Variants in CSMD1 observed in about 807,000 individuals in gnomAD.
The protein encoded by CSMD1 is CUB and Sushi multiple domains 1, also known as CUB and sushi domain-containing protein 1.
CSMD1 carries 213 observed loss-of-function variants against 417.5 expected under a neutral mutation model. That is an observed-to-expected ratio of 0.51 (90% CI 0.46 to 0.57). The LOEUF is 0.57. CSMD1 is among the 20% of genes least tolerant of loss of function. CSMD1 has a pLI of 0.00. For synonymous variants in CSMD1, 2,862 were observed against 1,736.8 expected, an observed-to-expected ratio of 1.65 and a Z score of -16.11; for missense variants, 6,923 against 4,529.7, an observed-to-expected ratio of 1.53 and a Z score of -15.17.
At chr8:3,995,350 A>C (rs1177936106) in intron 5 of CSMD1, among the ~76,000 whole-genome samples, 1 of 151,820 alleles carries the variant, frequency 6.6e-6, no homozygotes, top group East Asian at 1.9e-4. Flanking sequence ...TTTGACTATT[A>C]TGATAAACAT....
chr8:4,651,998 A>T lies in CSMD1; in HGVS notation c.86-14440T>A, dbSNP rs1803926266. ...CCTAAGTATAATGAAAGGAGACTCA[A>T]TTAGAAAAATGTCTAAGTCTCAGCT... On this transcript the variant is annotated intron_variant, in intron 1 of 69. Coordinates refer to ENST00000635120, the MANE Select transcript of CSMD1 (RefSeq NM_033225.6). 2.6e-5 allele frequency among the ~76,000 whole-genome samples: 4 copies of T among 152,336 alleles called. No individual in the cohort carries two copies. In the South Asian group the frequency reaches 8.3e-4, roughly 32 times the overall value.
At chr8:3,996,082 A>G (rs1815191354) in intron 5 of CSMD1, among the ~76,000 whole-genome samples, 1 of 152,208 alleles carries the variant, frequency 6.6e-6, no homozygotes, top group Admixed American at 6.5e-5. Flanking sequence ...CACGCTTCTC[A>G]TCACACTCAT....
At chr8:3,850,685 ACT>A (rs1803843075) in intron 5 of CSMD1, among the ~76,000 whole-genome samples, 1 of 151,962 alleles carries the variant, frequency 6.6e-6, no homozygotes, top group African/African-American at 2.4e-5. Flanking sequence ...ACAGAGTGCG[ACT>A]CTGTCTCAAA....
intron 12 of CSMD1, among the ~76,000 whole-genome samples, chr8:3,421,898 A>G (rs572997275): frequency 6.8e-6 from 1 of 146,166 alleles, no homozygotes; most frequent in South Asian, 2.1e-4. Context: ...TTGGCCGCCC[A>G]AAGTGCTGGG....
At chr8:3,569,156 T>C (rs117523588) in intron 10 of CSMD1, among the ~76,000 whole-genome samples, 3 of 152,186 alleles carry the variant, frequency 2.0e-5, no homozygotes, top group Non-Finnish European at 4.4e-5. Flanking sequence ...ACTAAAGGAA[T>C]CTTCTTGAGA....
At chr8:2,995,833 T>C (rs750759991) in intron 54 of CSMD1, among the ~76,000 whole-genome samples, 23 of 152,204 alleles carry the variant, frequency 1.5e-4, no homozygotes, top group Admixed American at 3.3e-4. Context: ...TTCATTTATA[T>C]AACATTCTTG....
intron 26 of CSMD1, among the ~76,000 whole-genome samples, chr8:3,245,730 A>T (rs887440525): frequency 5.9e-5 from 9 of 152,116 alleles, no homozygotes; most frequent in Admixed American, 2.0e-4. Context: ...ACAGATGATC[A>T]CCCCAATTTC....
intron 5 of CSMD1, among the ~76,000 whole-genome samples, chr8:3,799,091 A>G (rs1800319331): frequency 6.6e-6 from 1 of 152,038 alleles, no homozygotes; most frequent in South Asian, 2.1e-4. Context: ...TCCAAATGCC[A>G]TTTTTTATTA....
At chr8:4,933,521 C>T (rs188818350) in intron 1 of CSMD1, among the ~76,000 whole-genome samples, 1 of 152,182 alleles carries the variant, frequency 6.6e-6, no homozygotes, top group African/African-American at 2.4e-5. Flanking sequence ...TCTGTGACTT[C>T]AAGACAGAGA....
At chr8:3,368,758 C>A (rs141204102) in intron 19 of CSMD1, among the ~76,000 whole-genome samples, 2 of 152,200 alleles carry the variant, frequency 1.3e-5, no homozygotes, top group Non-Finnish European at 2.9e-5. Flanking sequence ...CTGATCTTCA[C>A]TATGCTTACC....
chr8:3,955,676 G>C (rs1390979425), intron 5 of CSMD1, among the ~76,000 whole-genome samples: 2 of 152,126 alleles, frequency 1.3e-5, no homozygotes, highest in Admixed American at 1.3e-4. Flanking sequence ...GAGTGTCTCA[G>C]AGGATGAGGA....
intron 1 of CSMD1, among the ~76,000 whole-genome samples, chr8:4,949,590 C>A (rs1808599371): frequency 6.6e-6 from 1 of 152,150 alleles, no homozygotes; most frequent in African/African-American, 2.4e-5. Flanking sequence ...GCCAAAGTTC[C>A]TGAAATGCCC....
intron 5 of CSMD1, among the ~76,000 whole-genome samples, chr8:3,756,188 C>G (rs138442893): frequency 0.018 from 2,754 of 151,854 alleles, 103 homozygotes; most frequent in African/African-American, 0.064. Flanking sequence ...CCTGCCTCTA[C>G]TAAAAATACA....
intron 7 of CSMD1, among the ~76,000 whole-genome samples, chr8:3,672,464 A>C (rs1799126278): frequency 6.6e-6 from 1 of 152,196 alleles, no homozygotes; most frequent in African/African-American, 2.4e-5. Context: ...TCAAATGTTC[A>C]AAACACGTGT....
chr8:3,229,456 T>C (rs1047117520), intron 27 of CSMD1, among the ~76,000 whole-genome samples: 3 of 152,186 alleles, frequency 2.0e-5, no homozygotes, highest in Non-Finnish European at 4.4e-5. Flanking sequence ...TGATAAATTG[T>C]CTCAGGTGGC....
intron 18 of CSMD1, among the ~76,000 whole-genome samples, chr8:3,373,135 TA>T (rs1382667145): frequency 6.6e-6 from 1 of 152,236 alleles, no homozygotes; most frequent in Non-Finnish European, 1.5e-5. Context: ...TATAAACTGA[TA>T]AAATTAATTC....
chr8:4,307,789 T>G (rs925743066), intron 3 of CSMD1, among the ~76,000 whole-genome samples: 1 of 152,132 alleles, frequency 6.6e-6, no homozygotes, highest in Non-Finnish European at 1.5e-5. Flanking sequence ...AGAGTCAGTT[T>G]ACCTCTCTAC....
rs117743947 is a variant in CSMD1 at position 3,998,648 on chromosome 8, G to C, written c.611-538C>G. 1.9e-3 allele frequency among the ~76,000 whole-genome samples: 294 copies of C among 152,222 alleles called. 4 individuals carry two copies. The East Asian group carries it at 0.039, about 20-fold the overall frequency. On this transcript the variant is annotated intron_variant, in intron 4 of 69. Transcript: ENST00000635120. ...ACATCACCTCATAAAAAGGTTCTGAGTAGAAAACAGTTACATGAAACTTAA... is the reference window on the plus strand; with the variant it reads ...ACATCACCTCATAAAAAGGTTCTGACTAGAAAACAGTTACATGAAACTTAA...
At chr8:3,842,865 T>A (rs7006688) in intron 5 of CSMD1, among the ~76,000 whole-genome samples, 21,394 of 152,100 alleles carry the variant, frequency 0.14, 2,050 homozygotes, top group African/African-American at 0.27. Flanking sequence ...AGGATTAATA[T>A]CATTTGTTTC....
Sources: gnomAD v4.1 joint callset for allele counts (sites outside exome capture counted in the v4.1 genomes callset) on GRCh38, gnomAD v4.1.1 for gene constraint, MANE v1.5 for transcripts, NCBI Gene and HGNC (gene_info 2026-07-23, HGNC 2026-07-21) for gene names.